RANBP17: variants seen among roughly 807,000 people sequenced by gnomAD.
The protein encoded by RANBP17 is RAN binding protein 17.
RANBP17 carries 158 observed loss-of-function variants against 141.2 expected under a neutral mutation model. The ratio of observed to expected loss-of-function variants is 1.12; its 90% CI spans 0.98 to 1.28. RANBP17 has a LOEUF of 1.28. RANBP17 is among the 50% of genes most tolerant of loss of function. The pLI is 0.00. For synonymous variants in RANBP17, 430 were observed against 450.0 expected (o/e 0.96, Z 0.56); for missense variants, 1,438 against 1,290.7 (o/e 1.11, Z -1.75).
At chr5:171,108,062 T>C (rs981654812) in intron 14 of RANBP17, among the ~76,000 whole-genome samples, 1 of 152,192 alleles carries the variant, frequency 6.6e-6, no homozygotes, top group Admixed American at 6.5e-5. Context: ...TCGATTGATA[T>C]TCAAAGAAGG....
intron 14 of RANBP17, among the ~76,000 whole-genome samples, chr5:170,977,078 T>C (rs1777435004): frequency 6.6e-6 from 1 of 152,056 alleles, no homozygotes; most frequent in South Asian, 2.1e-4. Flanking sequence ...GGAGAAGATA[T>C]TTGCATATCA....
chr5:171,016,785 T>A (rs985971306), intron 14 of RANBP17, among the ~76,000 whole-genome samples: 2 of 151,990 alleles, frequency 1.3e-5, no homozygotes, highest in Non-Finnish European at 2.9e-5. Context: ...TTTTTATGTC[T>A]TCTTTAAAAA....
chr5:171,295,903 G>C lies in RANBP17; in HGVS notation c.3059G>C (p.Arg1020Thr). ...LLNEKYFSEL[R>T]ASLINSQPLP... ...TCCCATCAGTATTTCAGTGAACTGA[G>C]AGCAAGTTTGATAAACAGCCAGCCC... The change falls in exon 27 of 28, where the codon AGA (arginine) becomes ACA (threonine). Residue 1020 changes from arginine (R) to threonine (T), a missense_variant. Coordinates refer to ENST00000523189, the MANE Select transcript of RANBP17 (RefSeq NM_022897.5). 2 of 1,613,426 alleles carry C rather than the reference G, an allele frequency of 1.2e-6. No homozygotes were observed. Among genetic ancestry groups the C allele is most frequent in the Non-Finnish European group, 1.7e-6 (2 of 1,179,592 alleles).
Position 171,086,766 on chromosome 5 carries a change from A to G in RANBP17, c.1711-83364A>G, listed in dbSNP as rs1007413055. Among the ~76,000 whole-genome samples the G allele has an allele frequency of 7.4e-5, 11 of 148,690 alleles. No homozygotes were observed. In the Middle Eastern group the frequency reaches 0.01, roughly 141 times the overall value. On this transcript the variant is annotated intron_variant, in intron 14 of 27. Transcript: ENST00000523189. Reference sequence around the variant, plus strand: ...TTATTTGCGTAGAGGTGTTTGTAGTATTCCCTGATGGTAGTTTGTATTTCT... The same window carrying G: ...TTATTTGCGTAGAGGTGTTTGTAGTGTTCCCTGATGGTAGTTTGTATTTCT...
intron 5 of RANBP17, among the ~76,000 whole-genome samples, chr5:170,899,455 C>T (rs1433919033): frequency 6.6e-6 from 1 of 152,200 alleles, no homozygotes; most frequent in Non-Finnish European, 1.5e-5. Context: ...ACAATCATGT[C>T]ATCTGCAAAC....
chr5:171,107,548 A>G (rs540464526), intron 14 of RANBP17, among the ~76,000 whole-genome samples: 17 of 152,224 alleles, frequency 1.1e-4, no homozygotes, highest in African/African-American at 3.9e-4. Context: ...AGATGCTGAT[A>G]CTTTTCTCAT....
chr5:171,070,565 T>C (rs570463342), intron 14 of RANBP17, among the ~76,000 whole-genome samples: 1 of 152,228 alleles, frequency 6.6e-6, no homozygotes, highest in East Asian at 1.9e-4. Flanking sequence ...ATTTCTGACA[T>C]AGATGGAAAA....
chr5:170,953,131 A>G (rs1164993595), intron 12 of RANBP17, among the ~76,000 whole-genome samples: 1 of 152,138 alleles, frequency 6.6e-6, no homozygotes, highest in Non-Finnish European at 1.5e-5. Flanking sequence ...AATATTTAAA[A>G]TGATCACACT....
chr5:170,932,852 A>T (rs1773513907), intron 12 of RANBP17, among the ~76,000 whole-genome samples: 1 of 152,020 alleles, frequency 6.6e-6, no homozygotes, highest in African/African-American at 2.4e-5. Context: ...TTCATCAGGG[A>T]TGTTGGTCTA....
intron 5 of RANBP17, among the ~76,000 whole-genome samples, chr5:170,897,818 ATTTGGGTTGGTTCCAAATC>A (rs1400847513): frequency 6.6e-6 from 1 of 152,192 alleles, no homozygotes; most frequent in Non-Finnish European, 1.5e-5. Flanking sequence ...ATTGATGGGC[ATTTGGGTTGGTTCCAAATC>A]TTTGCTATTG....
intron 14 of RANBP17, among the ~76,000 whole-genome samples, chr5:171,080,291 A>G (rs904095812): frequency 2.0e-5 from 3 of 151,788 alleles, no homozygotes; most frequent in Admixed American, 1.3e-4. Context: ...TGAGTCCAGC[A>G]TGGCCTACTG....
At chr5:171,275,481 C>T (rs1000261180) in intron 25 of RANBP17, among the ~76,000 whole-genome samples, 1 of 152,080 alleles carries the variant, frequency 6.6e-6, no homozygotes, top group African/African-American at 2.4e-5. Context: ...TTCACTATTA[C>T]CACATAGGAA....
Position 170,896,045 on chromosome 5 carries a change from CAAAGGGTACTGTGGAACACTGCAT to C in RANBP17, c.424-2_445del. ...TTAGGCTAAACTTTGTTATTTTCTC[CAAAGGGTACTGTGGAACACTGCAT>C]AATAGGAGTAATAATCCTTTCTGAA... On this transcript the variant is annotated splice_acceptor_variant and splice_polypyrimidine_tract_variant and coding_sequence_variant and intron_variant, in exon 5 of 28. Coordinates refer to ENST00000523189, the MANE Select transcript of RANBP17 (RefSeq NM_022897.5). LOFTEE classifies it high-confidence loss of function. 1 of 1,575,442 alleles carries C rather than the reference CAAAGGGTACTGTGGAACACTGCAT, an allele frequency of 6.3e-7. No homozygotes were observed. Among genetic ancestry groups the C allele is most frequent in the South Asian group, 1.2e-5 (1 of 84,002 alleles).
At chr5:171,079,460 G>C (rs1314093788) in intron 14 of RANBP17, among the ~76,000 whole-genome samples, 3 of 152,198 alleles carry the variant, frequency 2.0e-5, no homozygotes, top group Non-Finnish European at 4.4e-5. Flanking sequence ...TCTCCTGTGG[G>C]TCAAATGCTA....
chr5:170,885,791 A>G (rs984913077), intron 3 of RANBP17, among the ~76,000 whole-genome samples: 3 of 152,124 alleles, frequency 2.0e-5, no homozygotes, highest in African/African-American at 7.2e-5. Flanking sequence ...AAAATGTTTC[A>G]TATGAAAACT....
At chr5:170,993,910 C>T (rs1460889180) in intron 14 of RANBP17, among the ~76,000 whole-genome samples, 1 of 151,624 alleles carries the variant, frequency 6.6e-6, no homozygotes, top group Non-Finnish European at 1.5e-5. Flanking sequence ...ATTTTTTTTC[C>T]AAAATAAACT....
intron 11 of RANBP17, among the ~76,000 whole-genome samples, chr5:170,920,086 G>A (rs530801260): frequency 5.9e-5 from 9 of 151,926 alleles, no homozygotes; most frequent in Non-Finnish European, 1.0e-4. Context: ...AGTTGTTTAT[G>A]TTTTTGGCCA....
At chr5:171,267,963 T>C (rs1358423417) in intron 25 of RANBP17, among the ~76,000 whole-genome samples, 1 of 152,210 alleles carries the variant, frequency 6.6e-6, no homozygotes, top group African/African-American at 2.4e-5. Context: ...AGTTAACCAA[T>C]TATTTTCCAG....
intron 14 of RANBP17, among the ~76,000 whole-genome samples, chr5:171,136,104 G>T (rs1200296917): frequency 6.6e-6 from 1 of 152,152 alleles, no homozygotes; most frequent in Non-Finnish European, 1.5e-5. Flanking sequence ...TTTAGTTGAT[G>T]CTTGAATCAA....
Sources: allele counts gnomAD v4.1 joint callset (sites outside exome capture counted in the v4.1 genomes callset), GRCh38; gene constraint gnomAD v4.1.1; transcripts MANE v1.5; gene names NCBI Gene and HGNC (gene_info 2026-07-23, HGNC 2026-07-21).